The following SATL1 variants were observed in gnomAD, a reference collection of about 807,000 sequenced individuals.
The protein encoded by SATL1 is spermidine/spermine N(1)-acetyltransferase-like protein 1.
A neutral mutation model predicts 51.8 loss-of-function variants in SATL1; 47 were observed. The observed-to-expected ratio is 0.91, with a 90% CI of 0.72 to 1.16. The LOEUF (loss-of-function observed/expected upper bound fraction) is 1.16, where lower values mean the gene tolerates loss of function less well. Among genes scored for constraint, SATL1 ranks in the 50% most tolerant of loss-of-function variants. The pLI, the probability that SATL1 is intolerant of heterozygous loss-of-function variation, is 0.00. For synonymous variants in SATL1, 176 were observed against 182.4 expected (o/e 0.97, Z 0.28); for missense variants, 520 against 526.4 (o/e 0.99, Z 0.12).
chrX:85,136,361 A>G (rs1049277485), intron 2 of SATL1, among the ~76,000 whole-genome samples: 2 of 112,087 alleles, frequency 1.8e-5, no homozygotes, highest in South Asian at 7.5e-4. Context: ...AACAAAGAGT[A>G]CAAAAACTTA....
chrX:85,112,177 C>T (rs1925274339), intron 2 of SATL1, among the ~76,000 whole-genome samples: 1 of 110,694 alleles, frequency 9.0e-6, no homozygotes, highest in East Asian at 2.8e-4. Flanking sequence ...ATGGTGAAAC[C>T]CTGTCTGTAT....
chrX:85,243,260 A>C (rs1864102245), intron 1 of SATL1, among the ~76,000 whole-genome samples: 1 of 112,757 alleles, frequency 8.9e-6, no homozygotes, highest in African/African-American at 3.2e-5. Flanking sequence ...TTAAAGCTAA[A>C]ATAGGCAAAA....
chrX:85,235,511 A>T (rs1389382132), intron 1 of SATL1, among the ~76,000 whole-genome samples: 1 of 111,717 alleles, frequency 9.0e-6, no homozygotes, highest in African/African-American at 3.2e-5. Flanking sequence ...ATAGAATAAA[A>T]CTAGAAATTA....
chrX:85,230,095 C>CA (rs776620069), intron 1 of SATL1, among the ~76,000 whole-genome samples: 2 of 111,278 alleles, frequency 1.8e-5, no homozygotes, highest in Non-Finnish European at 3.8e-5. Flanking sequence ...TATGGAACCA[C>CA]AAAAAGAACC....
At chrX:85,105,858 C>A (rs1295772377) in intron 3 of SATL1, among the ~76,000 whole-genome samples, 1 of 111,947 alleles carries the variant, frequency 8.9e-6, no homozygotes, top group African/African-American at 3.2e-5. Flanking sequence ...AGTAATTTAG[C>A]TTTTCTATTA....
chrX:85,188,623 G>A (rs1927366444), intron 2 of SATL1, among the ~76,000 whole-genome samples: 1 of 110,422 alleles, frequency 9.1e-6, no homozygotes, highest in South Asian at 3.9e-4. Context: ...TCCAGTCTGG[G>A]CAACAGAGCA....
chrX:85,131,028 C>A (rs1340641285), intron 2 of SATL1, among the ~76,000 whole-genome samples: 1 of 111,818 alleles, frequency 8.9e-6, no homozygotes, highest in African/African-American at 3.3e-5. Flanking sequence ...GTTGTGATTC[C>A]TTTTCTTTTA....
At chrX:85,104,814 G>A (rs1316874949) in intron 3 of SATL1, among the ~76,000 whole-genome samples, 9 of 111,414 alleles carry the variant, frequency 8.1e-5, no homozygotes, top group African/African-American at 2.9e-4. Flanking sequence ...TAGTTATACT[G>A]TATTGTATAG....
At chrX:85,242,180 G>A (rs960601278) in intron 1 of SATL1, among the ~76,000 whole-genome samples, 1 of 112,345 alleles carries the variant, frequency 8.9e-6, no homozygotes, top group South Asian at 3.7e-4. Context: ...CATTCACAAA[G>A]GTGATTGATG....
intron 2 of SATL1, among the ~76,000 whole-genome samples, chrX:85,196,130 T>C (rs185946378): frequency 2.7e-5 from 3 of 110,522 alleles, no homozygotes; most frequent in African/African-American, 9.8e-5. Context: ...AAATAAATTT[T>C]ATTTCTATAC....
intron 1 of SATL1, among the ~76,000 whole-genome samples, chrX:85,226,721 C>A (rs1025071430): frequency 1.2e-4 from 13 of 110,861 alleles, no homozygotes; most frequent in African/African-American, 4.3e-4. Context: ...CTCCTCTCTT[C>A]CAGAGAGCTA....
chrX:85,151,032 G>C (rs1490062646), intron 2 of SATL1, among the ~76,000 whole-genome samples: 1 of 110,356 alleles, frequency 9.1e-6, no homozygotes, highest in African/African-American at 3.3e-5. Flanking sequence ...AATTGTCCCT[G>C]TTTGCAGATG....
intron 2 of SATL1, among the ~76,000 whole-genome samples, chrX:85,185,899 C>A (rs768315628): frequency 9.1e-6 from 1 of 110,212 alleles, no homozygotes; most frequent in Non-Finnish European, 1.9e-5. Flanking sequence ...GCAGGAATCT[C>A]TTCTCATGAC....
chrX:85,098,429 G>T (rs1418176538), intron 4 of SATL1, among the ~76,000 whole-genome samples: 1 of 111,743 alleles, frequency 8.9e-6, no homozygotes, highest in East Asian at 2.8e-4. Flanking sequence ...CAGAAAAGTA[G>T]ATGACTTGAA....
intron 2 of SATL1, chrX:85,142,588 A>G (rs1926137036): frequency 9.0e-6 from 1 of 110,897 alleles, no homozygotes; most frequent in African/African-American, 3.3e-5. Context: ...AATAATAGAT[A>G]CATTCCAGCA....
intron 3 of SATL1, 83 bp from the exon 4 acceptor site, chrX:85,103,998 A>T (rs773372460): frequency 1.4e-6 from 1 of 710,181 alleles, no homozygotes; most frequent in South Asian, 2.3e-5. Context: ...TGTATTAAAC[A>T]TTTATTGACA....
chrX:85,213,892 C>A (rs759455107), intron 2 of SATL1, among the ~76,000 whole-genome samples: 6 of 110,860 alleles, frequency 5.4e-5, no homozygotes, highest in Admixed American at 9.6e-5. Flanking sequence ...TGGGTCAATA[C>A]ATGTGGAAAC....
chrX:85,108,190 C>G lies in SATL1; in HGVS notation c.779G>C (p.Gly260Ala). The G allele has an allele frequency of 8.3e-7, 1 of 1,211,516 alleles. No homozygotes were observed. The change falls in exon 3 of 8, where the codon GGT (glycine) becomes GCT (alanine). Residue 260 changes from glycine to alanine, a missense_variant. Physicochemically the swap from Gly to Ala is moderately conservative, Grantham distance 60. Coordinates refer to ENST00000644105, the MANE Select transcript of SATL1 (RefSeq NM_001367857.2). ...TAAGCTTGGGCTTGGCTGGATTATA[C>G]CTGTTTGGTTGGAATCTGATAAACT... The part of the protein sequence containing the change: ...QSSLSDSNQT[G>A]IIQPSPSLLG...
chrX:85,233,608 G>A (rs1183914412), intron 1 of SATL1, among the ~76,000 whole-genome samples: 2 of 111,977 alleles, frequency 1.8e-5, no homozygotes, highest in East Asian at 2.8e-4. Context: ...TAAAAAGAAC[G>A]AAGCAGAAGC....
Sources: gnomAD v4.1 joint callset for allele counts (sites outside exome capture counted in the v4.1 genomes callset) on GRCh38, gnomAD v4.1.1 for gene constraint, MANE v1.5 for transcripts, NCBI Gene and HGNC (gene_info 2026-07-23, HGNC 2026-07-21) for gene names.